UTS2: variants seen among roughly 807,000 people sequenced by gnomAD.
UTS2 encodes urotensin 2.
UTS2 carries 10 observed loss-of-function variants against 12.6 expected under a neutral mutation model. The observed-to-expected ratio is 0.80, with a 90% CI of 0.49 to 1.35. UTS2 has a LOEUF of 1.35. Ranked by LOEUF, UTS2 falls within the 40% of genes most tolerant of loss-of-function variation. The pLI, the probability that UTS2 is intolerant of heterozygous loss-of-function variation, is 0.00. For missense variants in UTS2, 142 were observed against 143.2 expected, an observed-to-expected ratio of 0.99 and a Z score of 0.04; for synonymous variants, 52 against 50.0, an observed-to-expected ratio of 1.04 and a Z score of -0.17.
chr1:7,903,934 G>C, the UTS2 span, among the ~76,000 whole-genome samples: 1 of 152,092 alleles, frequency 6.6e-6, no homozygotes, highest in East Asian at 1.9e-4. Context: ...TTTCAAAAAC[G>C]AACTTCATGT....
chr1:7,876,914 G>A, the UTS2 span, among the ~76,000 whole-genome samples: 7 of 151,890 alleles, frequency 4.6e-5, no homozygotes, highest in East Asian at 3.9e-4. Context: ...GGTGGATTGC[G>A]AGGTCAGGAG....
the UTS2 span, among the ~76,000 whole-genome samples, chr1:7,908,661 T>C: frequency 4.6e-5 from 7 of 152,180 alleles, no homozygotes; most frequent in Admixed American, 4.6e-4. Context: ...TAAATTGGCA[T>C]ATATATTACT....
chr1:7,911,613 G>A, the UTS2 span, among the ~76,000 whole-genome samples: 1 of 152,072 alleles, frequency 6.6e-6, no homozygotes, highest in African/African-American at 2.4e-5. Flanking sequence ...GTTTAATTAA[G>A]TATATCAGGC....
chr1:7,880,091 T>C, the UTS2 span, among the ~76,000 whole-genome samples: 4 of 151,478 alleles, frequency 2.6e-5, no homozygotes, highest in East Asian at 2.0e-4. Context: ...ACTCCATCAG[T>C]ATAAAAAATT....
chr1:7,901,590 G>A, the UTS2 span, among the ~76,000 whole-genome samples: 3 of 147,484 alleles, frequency 2.0e-5, no homozygotes, highest in East Asian at 2.0e-4. Flanking sequence ...ACTTGGATGT[G>A]TATATATATT....
chr1:7,858,493 CTT>C (rs1343401106), upstream of UTS2, among the ~76,000 whole-genome samples: 1 of 152,166 alleles, frequency 6.6e-6, no homozygotes, highest in African/African-American at 2.4e-5. Flanking sequence ...TTACAAACCT[CTT>C]TTCAGTTTTA....
chr1:7,868,216 C>T, the UTS2 span, among the ~76,000 whole-genome samples: 1 of 152,182 alleles, frequency 6.6e-6, no homozygotes, highest in Non-Finnish European at 1.5e-5. Context: ...TCTCCTAATG[C>T]ATGCTCCTTT....
At chr1:7,882,742 A>C in the UTS2 span, among the ~76,000 whole-genome samples, 26,054 of 152,244 alleles carry the variant, frequency 0.17, 2,889 homozygotes, top group South Asian at 0.27. Context: ...CATATGATTA[A>C]ACAGTGGGCA....
the UTS2 span, among the ~76,000 whole-genome samples, chr1:7,908,352 G>C: frequency 6.7e-6 from 1 of 148,714 alleles, no homozygotes; most frequent in East Asian, 2.0e-4. Flanking sequence ...TGAAATCCCA[G>C]CTACTTGGGA....
the UTS2 span, among the ~76,000 whole-genome samples, chr1:7,879,108 C>T: frequency 2.6e-5 from 4 of 152,130 alleles, no homozygotes; most frequent in African/African-American, 4.8e-5. Flanking sequence ...ATCATCTAGA[C>T]AGAAAATCAA....
chr1:7,880,499 A>G, the UTS2 span, among the ~76,000 whole-genome samples: 1 of 152,168 alleles, frequency 6.6e-6, no homozygotes, highest in African/African-American at 2.4e-5. Context: ...CTGATACCAC[A>G]GAAATACAAA....
chr1:7,872,319 AG>A, the UTS2 span, among the ~76,000 whole-genome samples: 26 of 119,788 alleles, frequency 2.2e-4, 1 homozygote, highest in African/African-American at 6.8e-4. Context: ...AAAAAAAAAA[AG>A]GAAAAGAAAA....
chr1:7,875,362 C>T, the UTS2 span, among the ~76,000 whole-genome samples: 1 of 152,204 alleles, frequency 6.6e-6, no homozygotes, highest in Non-Finnish European at 1.5e-5. Context: ...GCGTGAGTCA[C>T]GGCGCCCGGC....
chr1:7,889,234 G>A, the UTS2 span, among the ~76,000 whole-genome samples: 1 of 143,932 alleles, frequency 6.9e-6, no homozygotes, highest in Non-Finnish European at 1.5e-5. Flanking sequence ...AACCAGCCTG[G>A]GCAACATAGG....
chr1:7,904,734 G>A, the UTS2 span, among the ~76,000 whole-genome samples: 2 of 151,878 alleles, frequency 1.3e-5, no homozygotes. Flanking sequence ...GTGAAACCCT[G>A]TCTCTACTAA....
In UTS2 at chr1:7,847,868, A is replaced by T; in HGVS notation, c.273T>A (p.Ser91=). The T allele has an allele frequency of 6.2e-7, 1 of 1,611,292 alleles. No homozygotes were observed. Among genetic ancestry groups the T allele is most frequent in the East Asian group, 2.2e-5 (1 of 44,850 alleles). Residue 91 remains serine (S), a synonymous_variant, in exon 4 of 4, where the codon TCT becomes TCA. Transcript: ENST00000361696. The part of the protein sequence containing the change: ...RGNLRKFQDF[S]GQDPNILLSH... Reference sequence around the variant, plus strand: ...TCAGTAAAATGTTAGGATCTTGTCCAGAGAAATCCTGAAACTAAAACAATC... The same window carrying T: ...TCAGTAAAATGTTAGGATCTTGTCCTGAGAAATCCTGAAACTAAAACAATC...
chr1:7,890,465 C>A, the UTS2 span, among the ~76,000 whole-genome samples: 1 of 152,036 alleles, frequency 6.6e-6, no homozygotes, highest in Non-Finnish European at 1.5e-5. Flanking sequence ...GAATGTGACT[C>A]AAAAATCTTT....
chr1:7,894,638 G>A, the UTS2 span, among the ~76,000 whole-genome samples: 1 of 152,044 alleles, frequency 6.6e-6, no homozygotes, highest in Admixed American at 6.6e-5. Flanking sequence ...GTCATTCCAG[G>A]GGTAGAGGCC....
At chr1:7,892,632 C>T in the UTS2 span, among the ~76,000 whole-genome samples, 2 of 151,998 alleles carry the variant, frequency 1.3e-5, no homozygotes, top group African/African-American at 2.4e-5. Context: ...CACCCTGCCA[C>T]CACGCCTGGC....
Sources: allele counts gnomAD v4.1 joint callset (sites outside exome capture counted in the v4.1 genomes callset), GRCh38; gene constraint gnomAD v4.1.1; transcripts MANE v1.5; gene names NCBI Gene and HGNC (gene_info 2026-07-23, HGNC 2026-07-21).